Variants in CKAP2 observed in about 807,000 individuals in gnomAD.
CKAP2 encodes cytoskeleton associated protein 2.
A neutral mutation model predicts 58.4 loss-of-function variants in CKAP2; 46 were observed. The ratio of observed to expected loss-of-function variants is 0.79; its 90% CI spans 0.62 to 1.01. The LOEUF is 1.01. Among genes scored for constraint, CKAP2 ranks in the 50% least tolerant of loss-of-function variants. The probability of loss-of-function intolerance (pLI) is 0.00; values close to 1 mark genes in which losing one functional copy is unlikely to be tolerated. For missense variants in CKAP2, 809 were observed against 796.4 expected, an observed-to-expected ratio of 1.02 and a Z score of -0.19; for synonymous variants, 293 against 280.9, an observed-to-expected ratio of 1.04 and a Z score of -0.43.
chr13:52,465,530 A>G, intron 6 of CKAP2, 65 bp downstream of exon 6: 1 of 1,381,800 alleles, frequency 7.2e-7, no homozygotes, highest in African/African-American at 1.4e-5. Context: ...TTAATTTGAA[A>G]CACATCACAA....
rs1958710436 is a variant in CKAP2, at chr13:52,468,271, A to G, written c.1477-7A>G. Reference sequence around the variant, plus strand: ...ATGGATCTGCTTTCTTCATTAAAAAAATTAAGCCTATTGAAGAGATGCGAC... The same window carrying G: ...ATGGATCTGCTTTCTTCATTAAAAAGATTAAGCCTATTGAAGAGATGCGAC... On this transcript the variant is annotated splice_region_variant and splice_polypyrimidine_tract_variant and intron_variant, in intron 6 of 8. Transcript: ENST00000258607. The G allele has an allele frequency of 6.4e-7, 1 of 1,560,424 alleles. No individual in the cohort carries two copies. The highest frequency in any genetic ancestry group is 1.4e-5 in the African/African-American group (1 of 72,604).
rs74085795 is a variant in CKAP2 at position 52,461,762 on chromosome 13, T to A, written c.936T>A (p.Thr312=). ...CTCAAGGTATAATAAGAAATAAGACTCTATCAAGATCCATAGCATCTGAAG... is the reference window on the plus strand; with the variant it reads ...CTCAAGGTATAATAAGAAATAAGACACTATCAAGATCCATAGCATCTGAAG... ...SSSQGIIRNK[T]LSRSIASEVI... The change falls in exon 4 of 9, where the codon ACT becomes ACA. Residue 312 remains threonine (T), a synonymous_variant. Coordinates refer to ENST00000258607, the MANE Select transcript of CKAP2 (RefSeq NM_018204.5). The A allele has an allele frequency of 1.7e-3, 2,762 of 1,613,842 alleles. 35 individuals are homozygous for A. In the African/African-American group the frequency reaches 0.03, roughly 17 times the overall value.
chr13:52,467,579 C>T (rs1958698836), intron 6 of CKAP2, among the ~76,000 whole-genome samples: 1 of 151,892 alleles, frequency 6.6e-6, no homozygotes, highest in Admixed American at 6.6e-5. Context: ...CATGGTGGTG[C>T]CCACCCGTAA....
At chr13:52,455,687 G>A (rs1958466059) in intron 1 of CKAP2, 61 bp downstream of exon 1, 3 of 1,414,482 alleles carry the variant, frequency 2.1e-6, no homozygotes, top group African/African-American at 3.0e-5. Context: ...CGCGGGCCCG[G>A]CGGTCGGGGC....
At chr13:52,465,918 C>G (rs987281785) in intron 6 of CKAP2, 5 of 328,340 alleles carry the variant, frequency 1.5e-5, no homozygotes, top group African/African-American at 8.7e-5. Flanking sequence ...TATATATACA[C>G]ACATATATAT....
chr13:52,469,383 G>A (rs1054225157), intron 7 of CKAP2, among the ~76,000 whole-genome samples: 5 of 152,110 alleles, frequency 3.3e-5, no homozygotes, highest in African/African-American at 1.2e-4. Context: ...GTGATCTGTT[G>A]TGTTGGCTAG....
Position 52,472,934 on chromosome 13 carries a change from T to C in CKAP2, c.1547-895T>C, listed in dbSNP as rs1323966224. Among the ~76,000 whole-genome samples, 4 of 152,168 alleles carry C rather than the reference T, an allele frequency of 2.6e-5. No individual in the cohort carries two copies. The South Asian group carries it at 8.3e-4, about 32-fold the overall frequency. On this transcript the variant is annotated intron_variant, in intron 7 of 8. Coordinates refer to ENST00000258607, the MANE Select transcript of CKAP2 (RefSeq NM_018204.5). ...GGTACACACCTTTAGGCCCAGCTACTTGGGAGGCTTTGGCAGGAGGATCAC... is the reference window on the plus strand; with the variant it reads ...GGTACACACCTTTAGGCCCAGCTACCTGGGAGGCTTTGGCAGGAGGATCAC...
intron 5 of CKAP2, among the ~76,000 whole-genome samples, chr13:52,462,926 A>G (rs1958608358): frequency 6.6e-6 from 1 of 152,116 alleles, no homozygotes; most frequent in Non-Finnish European, 1.5e-5. Flanking sequence ...TGAGATCCAC[A>G]AAGTTCATTT....
At position 52,465,275 on chromosome 13, in the gene CKAP2, A is replaced by AT. The variant is rs765827676; in HGVS notation, c.1306-14dup. ...TTGTAAGCTAAAAAATATTACACACATTTTTTCTTGCTTTTTTAGGGATGT... is the reference window on the plus strand; with the variant it reads ...TTGTAAGCTAAAAAATATTACACACATTTTTTTCTTGCTTTTTTAGGGATGT... On this transcript the variant is annotated intron_variant, in intron 5 of 8. Transcript: ENST00000258607. 41 of 1,596,256 alleles carry AT rather than the reference A, an allele frequency of 2.6e-5. No homozygotes were observed. Among genetic ancestry groups the AT allele is most frequent in the East Asian group, 2.2e-4 (10 of 44,658 alleles).
chr13:52,455,855 G>A, intron 1 of CKAP2: 2 of 870,786 alleles, frequency 2.3e-6, no homozygotes, highest in Non-Finnish European at 3.1e-6. Flanking sequence ...GGCTGGGATG[G>A]GCCCTCCTAA....
chr13:52,456,130 T>A, intron 1 of CKAP2: 1 of 1,024,676 alleles, frequency 9.8e-7, no homozygotes, highest in Non-Finnish European at 1.2e-6. Flanking sequence ...ATTCCCTTAT[T>A]CTACACACGG....
chr13:52,463,229 C>T (rs927591259), intron 5 of CKAP2, among the ~76,000 whole-genome samples: 1 of 152,164 alleles, frequency 6.6e-6, no homozygotes, highest in Non-Finnish European at 1.5e-5. Flanking sequence ...TGAGCCACTG[C>T]GCTCGGCCTC....
Position 52,462,254 on chromosome 13 carries a change from A to G in CKAP2, c.1101-109A>G. The G allele has an allele frequency of 1.0e-5, 9 of 900,366 alleles. 1 individual carries two copies. The highest frequency in any genetic ancestry group is 1.8e-5 in the South Asian group (1 of 56,594). 55.8% of individuals were successfully genotyped at this position (900,366 alleles called of 1,614,324 possible). On this transcript the variant is annotated intron_variant, in intron 4 of 8. Coordinates refer to ENST00000258607, the MANE Select transcript of CKAP2 (RefSeq NM_018204.5). ...ATTTCTTCAAGCTTGTGAACTATAT[A>G]TGCCATTAAAGTAAGATTACTTAAA...
intron 6 of CKAP2, 107 bp from the exon 7 acceptor site, chr13:52,468,171 C>A: frequency 1.5e-6 from 1 of 653,044 alleles, no homozygotes; most frequent in East Asian, 2.8e-5. Flanking sequence ...AAGAGCCACT[C>A]TTACTTTAAA....
rs1209445582 is a variant in CKAP2 at position 52,461,383 on chromosome 13, A to G, written c.557A>G (p.Lys186Arg). The G allele has an allele frequency of 6.2e-7, 1 of 1,614,142 alleles. No individual in the cohort carries two copies. Among genetic ancestry groups the G allele is most frequent in the Non-Finnish European group, 8.5e-7 (1 of 1,180,050 alleles). ...TATCGTGGCCAGATTGTTCAGTCTA[A>G]GATTAATTCATTTAGAAAACCTCTA... ...GSYRGQIVQS[K>R]INSFRKPLQV... Residue 186 changes from lysine (K) to arginine (R), a missense_variant, in exon 4 of 9, where the codon AAG (lysine) becomes AGG (arginine). Lys to Arg is a conservative substitution (Grantham distance 26). This residue lies in a region of CKAP2 where 523 missense variants were observed against 492.4 expected (regional missense o/e 1.06). Coordinates refer to ENST00000258607, the MANE Select transcript of CKAP2 (RefSeq NM_018204.5).
intron 8 of CKAP2, among the ~76,000 whole-genome samples, chr13:52,474,642 C>T (rs1958803443): frequency 6.6e-6 from 1 of 152,170 alleles, no homozygotes; most frequent in Non-Finnish European, 1.5e-5. Flanking sequence ...TTATTAATAA[C>T]AGTAGGTTTT....
chr13:52,455,621 TC>T lies in CKAP2; in HGVS notation c.66del (p.Phe22LeufsTer14). ...CCGAGTCAGAGGGCGCAGTCCGCAT[TC>T]AAAGGTGAAGGCCGCGGTGGCGGTG... is the stretch of plus-strand genomic sequence containing the variant. ...LPPSQRAQSA[F>X]KEQRRQKLKE... On this transcript the variant is annotated frameshift_variant, in exon 1 of 9. Transcript: ENST00000258607. LOFTEE classifies it high-confidence loss of function. The T allele has an allele frequency of 6.2e-7, 1 of 1,606,608 alleles. No homozygotes were observed. Among genetic ancestry groups the T allele is most frequent in the Non-Finnish European group, 8.5e-7 (1 of 1,177,368 alleles).
At chr13:52,464,332 C>A (rs1958629770) in intron 5 of CKAP2, among the ~76,000 whole-genome samples, 1 of 152,134 alleles carries the variant, frequency 6.6e-6, no homozygotes, top group South Asian at 2.1e-4. Context: ...GCGGGCGGAT[C>A]ACCCAAGGTC....
rs1480384821 is a variant in CKAP2 at position 52,474,078 on chromosome 13, T to TG, written c.1797dup (p.Gln600AlafsTer10). 6.2e-7 allele frequency: 1 copy of TG among 1,607,888 alleles called. No homozygotes were observed. Among genetic ancestry groups the TG allele is most frequent in the East Asian group, 2.2e-5 (1 of 44,784 alleles). ...TATAATGTGTCTACTACGCCATACT[T>TG]GCAAAGGTAAACTTTTAAAATGTAC... is the stretch of plus-strand genomic sequence containing the variant. On this transcript the variant is annotated frameshift_variant, in exon 8 of 9. Transcript: ENST00000258607. LOFTEE classifies it high-confidence loss of function.
Sources: allele counts gnomAD v4.1 joint callset (sites outside exome capture counted in the v4.1 genomes callset), GRCh38; gene constraint gnomAD v4.1.1; regional missense constraint gnomAD v4.1.1; transcripts MANE v1.5; gene names NCBI Gene and HGNC (gene_info 2026-07-23, HGNC 2026-07-21).